Variants in HVCN1 observed in about 807,000 individuals in gnomAD.
The protein encoded by HVCN1 is voltage-gated hydrogen channel 1.
HVCN1 carries 14 observed loss-of-function variants against 29.2 expected under a neutral mutation model. The ratio of observed to expected loss-of-function variants is 0.48; its 90% CI spans 0.32 to 0.75. HVCN1 has a LOEUF of 0.75. Among genes scored for constraint, HVCN1 ranks in the 30% least tolerant of loss-of-function variants. The pLI, the probability that HVCN1 is intolerant of heterozygous loss-of-function variation, is 0.04. For synonymous variants in HVCN1, 131 were observed against 133.2 expected, an observed-to-expected ratio of 0.98 and a Z score of 0.11; for missense variants, 263 against 341.8, an observed-to-expected ratio of 0.77 and a Z score of 1.82.
At chr12:110,666,580 T>A (rs1187384858) in intron 3 of HVCN1, among the ~76,000 whole-genome samples, 1 of 152,174 alleles carries the variant, frequency 6.6e-6, no homozygotes, top group Non-Finnish European at 1.5e-5. Flanking sequence ...GTACTTGTAG[T>A]GCATGGCCCT....
chr12:110,656,874 G>A (rs1323764290), intron 4 of HVCN1, among the ~76,000 whole-genome samples: 1 of 152,180 alleles, frequency 6.6e-6, no homozygotes, highest in Non-Finnish European at 1.5e-5. Context: ...CAAGCCTCTA[G>A]TAGGGTTTTT....
At chr12:110,655,826 T>A (rs1161840212) in intron 4 of HVCN1, among the ~76,000 whole-genome samples, 1 of 150,928 alleles carries the variant, frequency 6.6e-6, no homozygotes, top group Non-Finnish European at 1.5e-5. Flanking sequence ...CACTTCAGCC[T>A]CCCGAGTAGC....
rs546897417 is a variant in HVCN1 at position 110,649,588 on chromosome 12, G to A, written c.757-113C>T. The A allele has an allele frequency of 1.0e-3, 788 of 761,116 alleles. 4 individuals are homozygous for A. The highest frequency in any genetic ancestry group is 2.0e-3 in the South Asian group (133 of 65,108). The allele number at this position is 761,116 out of a possible 1,614,324, so 47.1% of individuals were successfully genotyped here. A position where few individuals can be genotyped will look rare whatever the true frequency, so the allele number is the denominator to read the frequency against. On this transcript the variant is annotated intron_variant, in intron 7 of 7. Coordinates refer to ENST00000242607, the MANE Select transcript of HVCN1 (RefSeq NM_032369.4). ...GACCACAGAGATGAATGAAAGCTAC[G>A]CTGTTTGTGGCATTCAGTCTGCTGA...
chr12:110,693,913 G>C (rs1397216179), upstream of HVCN1, among the ~76,000 whole-genome samples: 2 of 152,198 alleles, frequency 1.3e-5, no homozygotes. Context: ...TGCGTTAGAT[G>C]AAGGACTTGT....
intron 3 of HVCN1, among the ~76,000 whole-genome samples, chr12:110,662,677 C>G (rs144780826): frequency 0.012 from 1,841 of 152,292 alleles, 11 homozygotes; most frequent in Middle Eastern, 0.027. Context: ...TGCACTCCAG[C>G]CTGGGCAACA....
chr12:110,690,580 A>C (rs2069382525), upstream of HVCN1, among the ~76,000 whole-genome samples: 1 of 151,916 alleles, frequency 6.6e-6, no homozygotes, highest in African/African-American at 2.4e-5. Context: ...GGGTTCAAGC[A>C]ATTCTCCTGC....
chr12:110,678,847 G>A lies in HVCN1; in HGVS notation c.21+4378C>T, dbSNP rs150395702. Among the ~76,000 whole-genome samples, 4 of 152,286 alleles carry A rather than the reference G, an allele frequency of 2.6e-5. No homozygotes were observed. In the East Asian group the frequency reaches 7.7e-4, roughly 29 times the overall value. ...TAAAGACACAGTTTTGGGGGGACAC[G>A]CTTTGCCTATTTCCCTGGGAATGAC... On this transcript the variant is annotated intron_variant, in intron 3 of 7. Transcript: ENST00000242607.
chr12:110,691,257 G>A (rs1436134539), upstream of HVCN1, among the ~76,000 whole-genome samples: 2 of 150,628 alleles, frequency 1.3e-5, no homozygotes, highest in Non-Finnish European at 3.0e-5. Flanking sequence ...TAGAGACGGG[G>A]TTTCACCGTG....
At chr12:110,700,537 A>C (rs2069553997) in intron 2 of HVCN1, among the ~76,000 whole-genome samples, 1 of 152,146 alleles carries the variant, frequency 6.6e-6, no homozygotes, top group African/African-American at 2.4e-5. Flanking sequence ...TATCTCCAGC[A>C]ATGGGGAGTT....
chr12:110,664,179 C>T (rs1438699728), intron 3 of HVCN1, among the ~76,000 whole-genome samples: 7 of 152,136 alleles, frequency 4.6e-5, no homozygotes, highest in East Asian at 3.8e-4. Context: ...CTCAGCTTCC[C>T]GAGTAGCTGG....
chr12:110,687,198 A>T (rs1390301538), intron 2 of HVCN1, among the ~76,000 whole-genome samples: 1 of 151,580 alleles, frequency 6.6e-6, no homozygotes, highest in Non-Finnish European at 1.5e-5. Flanking sequence ...ATCCTGGTAG[A>T]CTGACATGTT....
At chr12:110,665,326 G>A (rs2068307783) in intron 3 of HVCN1, among the ~76,000 whole-genome samples, 1 of 152,198 alleles carries the variant, frequency 6.6e-6, no homozygotes, top group Admixed American at 6.5e-5. Flanking sequence ...GGGAGGCCGA[G>A]GTGGGCAGAT....
At chr12:110,696,336 G>A (rs1054615270) in intron 2 of HVCN1, among the ~76,000 whole-genome samples, 2 of 152,094 alleles carry the variant, frequency 1.3e-5, no homozygotes, top group African/African-American at 4.8e-5. Flanking sequence ...CAAGCATACG[G>A]CTGGTGGCAT....
intron 4 of HVCN1, among the ~76,000 whole-genome samples, chr12:110,657,047 A>G (rs1593446226): frequency 6.6e-6 from 1 of 152,332 alleles, no homozygotes; most frequent in East Asian, 1.9e-4. Flanking sequence ...TAAGTCAAAG[A>G]AGGCAGACAG....
rs2068180754 is a variant in HVCN1, at chr12:110,661,732, AC to A, written c.22-285del. The stretch of plus-strand genomic sequence containing the variant: ...CAGTACTGCAGCCCGGTCCCAAAAC[AC>A]CCGCCACGGGCCCATGTGTGAATAC... On this transcript the variant is annotated intron_variant, in intron 3 of 7. Coordinates refer to ENST00000242607, the MANE Select transcript of HVCN1 (RefSeq NM_032369.4). The surrounding 1 kb of genome is among the most constrained non-coding windows in gnomAD (Gnocchi z 6.2). 6.6e-6 allele frequency among the ~76,000 whole-genome samples: 1 copy of A among 151,704 alleles called. No individual in the cohort carries two copies. The highest frequency in any genetic ancestry group is 1.5e-5 in the Non-Finnish European group (1 of 67,836).
At chr12:110,691,609 C>A (rs1182462186), upstream of HVCN1, among the ~76,000 whole-genome samples, 8 of 152,196 alleles carry the variant, frequency 5.3e-5, no homozygotes, top group Admixed American at 4.6e-4. Flanking sequence ...GAAAAGGGAA[C>A]AAGTACCCCG....
chr12:110,683,326 G>T, intron 2 of HVCN1, 62 bp from the exon 3 acceptor site: 1 of 1,527,994 alleles, frequency 6.5e-7, no homozygotes, highest in Non-Finnish European at 8.8e-7. Flanking sequence ...CTTGGTATGT[G>T]CTCTGTAATC....
At chr12:110,659,356 A>G (rs578188644) in intron 4 of HVCN1, among the ~76,000 whole-genome samples, 1 of 151,776 alleles carries the variant, frequency 6.6e-6, no homozygotes, top group African/African-American at 2.4e-5. Context: ...TTACCCTGGA[A>G]TAAAGTCAGC....
intron 3 of HVCN1, among the ~76,000 whole-genome samples, chr12:110,663,587 C>CAAAAAAAAAAAAAAAAAAA (rs1182792368): frequency 3.9e-5 from 1 of 25,808 alleles, no homozygotes; most frequent in Non-Finnish European, 8.0e-5. Context: ...GACGCTGTCT[C>CAAAAAAAAAAAAAAAAAAA]AAAAAAAAAA....
Sources: allele counts gnomAD v4.1 joint callset (sites outside exome capture counted in the v4.1 genomes callset), GRCh38; gene constraint gnomAD v4.1.1; non-coding constraint Gnocchi (gnomAD v3.1); transcripts MANE v1.5; gene names NCBI Gene and HGNC (gene_info 2026-07-23, HGNC 2026-07-21).